SLC8A1: variants seen among roughly 807,000 people sequenced by gnomAD.
The protein encoded by SLC8A1 is sodium/calcium exchanger 1.
In SLC8A1, 18 loss-of-function variants were observed where a neutral mutation model predicts 68.3. The ratio of observed to expected loss-of-function variants is 0.26; its 90% CI spans 0.18 to 0.39. The LOEUF (loss-of-function observed/expected upper bound fraction) is 0.39, where lower values mean the gene tolerates loss of function less well. SLC8A1 is among the 10% of genes least tolerant of loss of function. The pLI is 1.00. For missense variants in SLC8A1, 985 were observed against 1,156.7 expected, an observed-to-expected ratio of 0.85 and a Z score of 2.15; for synonymous variants, 475 against 415.5, an observed-to-expected ratio of 1.14 and a Z score of -1.74.
intron 1 of SLC8A1, among the ~76,000 whole-genome samples, chr2:40,484,050 G>T (rs550820807): frequency 1.3e-5 from 2 of 152,232 alleles, no homozygotes; most frequent in Admixed American, 6.5e-5. Context: ...TGTTAAAAAG[G>T]TTCCAATGCA....
At chr2:40,194,125 A>C (rs2052457878) in intron 2 of SLC8A1, among the ~76,000 whole-genome samples, 2 of 152,168 alleles carry the variant, frequency 1.3e-5, no homozygotes, top group Admixed American at 1.3e-4. Flanking sequence ...GATTTTCATG[A>C]AAAGAAAATC....
chr2:40,456,207 T>C (rs1703006116), upstream of SLC8A1, among the ~76,000 whole-genome samples: 1 of 150,756 alleles, frequency 6.6e-6, no homozygotes, highest in Admixed American at 6.7e-5. Flanking sequence ...TCCCAGCTAC[T>C]TGGGAGGCTG....
At chr2:40,437,325 C>G (rs983917660) in intron 1 of SLC8A1, among the ~76,000 whole-genome samples, 1 of 152,116 alleles carries the variant, frequency 6.6e-6, no homozygotes, top group East Asian at 1.9e-4. Context: ...GTTGCATTAG[C>G]TCATCAAGGA....
chr2:40,462,457 C>A (rs890244967), intron 1 of SLC8A1, among the ~76,000 whole-genome samples: 3 of 151,090 alleles, frequency 2.0e-5, no homozygotes, highest in Non-Finnish European at 4.4e-5. Context: ...AATTTCCTGA[C>A]AAGTTGGGAA....
At chr2:40,447,441 C>T (rs577014092) in intron 1 of SLC8A1, among the ~76,000 whole-genome samples, 145 of 152,160 alleles carry the variant, frequency 9.5e-4, no homozygotes, top group African/African-American at 3.2e-3. Context: ...GCACTCACAT[C>T]GCCCCAAACT....
intron 1 of SLC8A1, among the ~76,000 whole-genome samples, chr2:40,476,425 A>G (rs1704301266): frequency 6.6e-6 from 1 of 152,244 alleles, no homozygotes; most frequent in South Asian, 2.1e-4. Flanking sequence ...AAATAAACAA[A>G]GATATATTTC....
intron 2 of SLC8A1, among the ~76,000 whole-genome samples, chr2:40,192,189 T>C (rs917197111): frequency 6.6e-6 from 1 of 152,150 alleles, no homozygotes; most frequent in Non-Finnish European, 1.5e-5. Context: ...TGAGCAAACT[T>C]AGATTTCTTG....
intron 1 of SLC8A1, among the ~76,000 whole-genome samples, chr2:40,435,270 C>G (rs1360125602): frequency 1.3e-5 from 2 of 152,144 alleles, no homozygotes; most frequent in East Asian, 3.9e-4. Context: ...TTATCCACTA[C>G]CAAGGCAAGC....
At chr2:40,261,567 T>A (rs1042646553) in intron 2 of SLC8A1, among the ~76,000 whole-genome samples, 4 of 152,188 alleles carry the variant, frequency 2.6e-5, no homozygotes, top group African/African-American at 9.7e-5. Context: ...ATTTAGGCAA[T>A]GTTAGTTTCA....
intron 2 of SLC8A1, among the ~76,000 whole-genome samples, chr2:40,361,521 G>A (rs968413171): frequency 2.7e-5 from 4 of 150,720 alleles, no homozygotes; most frequent in African/African-American, 9.7e-5. Flanking sequence ...TTGAGAACAT[G>A]TTCAGTATCT....
chr2:40,113,146 T>C (rs1165323400), exon 8 of SLC8A1: 2 of 152,224 alleles, frequency 1.3e-5, no homozygotes, highest in Non-Finnish European at 2.9e-5. Flanking sequence ...GCACATTAAG[T>C]GGGTAACCAG....
intron 2 of SLC8A1, among the ~76,000 whole-genome samples, chr2:40,215,215 G>C (rs2057272629): frequency 6.6e-6 from 1 of 151,948 alleles, no homozygotes; most frequent in Admixed American, 6.6e-5. Flanking sequence ...TCTCAGGCTG[G>C]GGTGAAGTGG....
At chr2:40,223,965 A>G (rs1240103659) in intron 2 of SLC8A1, among the ~76,000 whole-genome samples, 3 of 152,146 alleles carry the variant, frequency 2.0e-5, no homozygotes. Context: ...AGGAGCCTCC[A>G]AAAATTAGAG....
intron 2 of SLC8A1, among the ~76,000 whole-genome samples, chr2:40,211,861 G>A (rs1392540062): frequency 6.6e-6 from 1 of 152,142 alleles, no homozygotes; most frequent in Admixed American, 6.5e-5. Context: ...TTTTTCTGAA[G>A]ATGTGAACAG....
intron 2 of SLC8A1, among the ~76,000 whole-genome samples, chr2:40,269,648 G>C (rs185390110): frequency 2.6e-5 from 4 of 152,244 alleles, no homozygotes; most frequent in Admixed American, 2.0e-4. Context: ...CCTTGGTCAC[G>C]TCTTGGAGGA....
chr2:40,276,943 G>A (rs1276332635), intron 2 of SLC8A1, among the ~76,000 whole-genome samples: 1 of 152,104 alleles, frequency 6.6e-6, no homozygotes, highest in African/African-American at 2.4e-5. Context: ...GGCTTGAGTC[G>A]AATGACCAAG....
At chr2:40,242,220 A>G (rs1376058961) in intron 2 of SLC8A1, among the ~76,000 whole-genome samples, 3 of 152,188 alleles carry the variant, frequency 2.0e-5, no homozygotes, top group African/African-American at 7.2e-5. Context: ...TGTGTCCATT[A>G]GAATTTTACC....
At chr2:40,435,942 A>ATTTTTTTTTT (rs59783278) in intron 1 of SLC8A1, among the ~76,000 whole-genome samples, 2 of 125,416 alleles carry the variant, frequency 1.6e-5, no homozygotes, top group Non-Finnish European at 3.4e-5. Flanking sequence ...ATGCTCGGCT[A>ATTTTTTTTTT]TTTTTTTTTT....
intron 2 of SLC8A1, among the ~76,000 whole-genome samples, chr2:40,376,119 A>AT (rs1455088676): frequency 6.6e-6 from 1 of 152,106 alleles, no homozygotes; most frequent in Non-Finnish European, 1.5e-5. Flanking sequence ...TCTAGAATAT[A>AT]TTTTTTTCCA....
Sources: allele counts gnomAD v4.1 joint callset (sites outside exome capture counted in the v4.1 genomes callset), GRCh38; gene constraint gnomAD v4.1.1; transcripts MANE v1.5; gene names NCBI Gene and HGNC (gene_info 2026-07-23, HGNC 2026-07-21).